DDX10: variants seen among roughly 807,000 people sequenced by gnomAD.
The protein encoded by DDX10 is probable ATP-dependent RNA helicase DDX10.
Under a neutral mutation model 104.3 loss-of-function variants are expected in DDX10, and 74 were observed. The observed-to-expected ratio is 0.71, with a 90% CI of 0.59 to 0.86. The LOEUF is 0.86. DDX10 is among the 40% of genes least tolerant of loss of function. The pLI is 0.00. For synonymous variants in DDX10, 351 were observed against 353.4 expected (o/e 0.99, Z 0.08); for missense variants, 952 against 1,040.0 (o/e 0.92, Z 1.16).
chr11:108,891,529 CTG>C (rs1270900351), intron 16 of DDX10, among the ~76,000 whole-genome samples: 2 of 152,162 alleles, frequency 1.3e-5, no homozygotes, highest in Non-Finnish European at 2.9e-5. Flanking sequence ...ATATATGACT[CTG>C]TGGATAACTT....
At chr11:108,710,086 G>C (rs2094282045) in intron 10 of DDX10, among the ~76,000 whole-genome samples, 1 of 152,062 alleles carries the variant, frequency 6.6e-6, no homozygotes. Flanking sequence ...ACATAGAAAA[G>C]GCACAGTAAA....
chr11:108,795,471 C>G (rs1296740455), intron 13 of DDX10, among the ~76,000 whole-genome samples: 2 of 150,586 alleles, frequency 1.3e-5, no homozygotes, highest in Admixed American at 1.3e-4. Context: ...AGGTATATTT[C>G]CTAATGCTAT....
At chr11:108,874,777 G>A (rs1016802606) in intron 16 of DDX10, among the ~76,000 whole-genome samples, 1 of 152,052 alleles carries the variant, frequency 6.6e-6, no homozygotes, top group Non-Finnish European at 1.5e-5. Context: ...CATCTCAAAA[G>A]CTCATTTCAG....
At chr11:108,903,857 C>A (rs1863552546) in intron 16 of DDX10, among the ~76,000 whole-genome samples, 1 of 152,072 alleles carries the variant, frequency 6.6e-6, no homozygotes, top group South Asian at 2.1e-4. Flanking sequence ...CACTTTCTGA[C>A]TGTTATAAAT....
At chr11:108,666,475 T>C (rs1027625787) in intron 1 of DDX10, among the ~76,000 whole-genome samples, 10 of 152,164 alleles carry the variant, frequency 6.6e-5, no homozygotes, top group African/African-American at 1.9e-4. Flanking sequence ...AGTGAGACTC[T>C]GTCTTAAACA....
chr11:108,879,130 T>C (rs1255865407), intron 16 of DDX10, among the ~76,000 whole-genome samples: 2 of 152,056 alleles, frequency 1.3e-5, no homozygotes, highest in Non-Finnish European at 2.9e-5. Flanking sequence ...GCCTTCCAGG[T>C]AGCTGGGACT....
intron 15 of DDX10, among the ~76,000 whole-genome samples, chr11:108,851,352 A>G (rs1031845782): frequency 6.6e-6 from 1 of 152,154 alleles, no homozygotes; most frequent in African/African-American, 2.4e-5. Flanking sequence ...TGCTTCTTTC[A>G]TATATTTTGT....
chr11:108,677,343 T>A (rs2094227017), intron 4 of DDX10, 100 bp downstream of exon 4: 5 of 1,108,340 alleles, frequency 4.5e-6, no homozygotes, highest in Non-Finnish European at 6.5e-6. Flanking sequence ...CTAAACAGAC[T>A]GACCTAGACC....
At chr11:108,720,014 C>T (rs924313616) in intron 12 of DDX10, 129 bp downstream of exon 12, 6 of 656,934 alleles carry the variant, frequency 9.1e-6, no homozygotes, top group South Asian at 3.5e-5. Flanking sequence ...GCAGTCCACC[C>T]ACCTCAACTT....
At position 108,896,379 on chromosome 11, in the gene DDX10, C is replaced by A. The variant is rs1591115209; in HGVS notation, c.2305-21494C>A. Among the ~76,000 whole-genome samples, 3 of 150,448 alleles carry A rather than the reference C, an allele frequency of 2.0e-5. No homozygotes were observed. In the South Asian group the frequency reaches 6.3e-4, roughly 31 times the overall value. ...ATTTTTTTTTTTCTTCCTGCCAATGCGTGTTTTAACTGTACTCTCTAGGCT... is the reference window on the plus strand; with the variant it reads ...ATTTTTTTTTTTCTTCCTGCCAATGAGTGTTTTAACTGTACTCTCTAGGCT... On this transcript the variant is annotated intron_variant, in intron 16 of 17. Coordinates refer to ENST00000322536, the MANE Select transcript of DDX10 (RefSeq NM_004398.4).
In DDX10 at chr11:108,756,188, G is replaced by C. The variant is rs934447610; in HGVS notation, c.1965+32726G>C. Reference sequence around the variant, plus strand: ...GTTTGCAGTAAACTTTATCTAATGTGATTTGTGTTGGTAAATTTGTATTTA... The same window carrying C: ...GTTTGCAGTAAACTTTATCTAATGTCATTTGTGTTGGTAAATTTGTATTTA... On this transcript the variant is annotated intron_variant, in intron 13 of 17. Transcript: ENST00000322536. 5.3e-5 allele frequency among the ~76,000 whole-genome samples: 8 copies of C among 152,112 alleles called. No individual in the cohort carries two copies. The East Asian group carries it at 9.6e-4, about 18-fold the overall frequency.
chr11:108,710,822 C>T (rs1278929151), intron 10 of DDX10, among the ~76,000 whole-genome samples: 2 of 152,276 alleles, frequency 1.3e-5, no homozygotes, highest in East Asian at 1.9e-4. Flanking sequence ...ATGATGGCTG[C>T]GACATCACTA....
chr11:108,927,304 CAT>C (rs948333198), intron 17 of DDX10, among the ~76,000 whole-genome samples: 1 of 152,198 alleles, frequency 6.6e-6, no homozygotes, highest in African/African-American at 2.4e-5. Context: ...TAATTTAACA[CAT>C]ACAAACTTGC....
chr11:108,672,062 G>GAAAA (rs55845865), intron 1 of DDX10, among the ~76,000 whole-genome samples: 1 of 68,638 alleles, frequency 1.5e-5, no homozygotes, highest in Admixed American at 2.1e-4. Flanking sequence ...CTCCATCTCG[G>GAAAA]AAAAAAAAAA....
At chr11:108,822,223 T>G in intron 13 of DDX10, 1 of 202,464 alleles carries the variant, frequency 4.9e-6, no homozygotes. Flanking sequence ...AAATATTCTG[T>G]CATTCATTGA....
chr11:108,674,346 A>AAT (rs2094221078), intron 2 of DDX10, among the ~76,000 whole-genome samples: 1 of 152,166 alleles, frequency 6.6e-6, no homozygotes, highest in South Asian at 2.1e-4. Context: ...GATGCTTTGA[A>AAT]ATATGTATAT....
At chr11:108,701,441 C>G (rs184656823) in intron 9 of DDX10, among the ~76,000 whole-genome samples, 3 of 152,194 alleles carry the variant, frequency 2.0e-5, no homozygotes, top group Admixed American at 6.5e-5. Context: ...TCCCTTTCTC[C>G]ACTTCTTGAT....
intron 16 of DDX10, among the ~76,000 whole-genome samples, chr11:108,866,828 A>C (rs1033498043): frequency 1.2e-4 from 19 of 152,216 alleles, no homozygotes; most frequent in African/African-American, 4.6e-4. Flanking sequence ...TGACTCCAAA[A>C]TCTTAACATT....
intron 13 of DDX10, among the ~76,000 whole-genome samples, chr11:108,779,296 A>G (rs910471853): frequency 5.3e-5 from 8 of 152,248 alleles, no homozygotes; most frequent in Non-Finnish European, 7.3e-5. Flanking sequence ...CCAAATGTCT[A>G]TCAATGATAA....
Sources: gnomAD v4.1 joint callset for allele counts (sites outside exome capture counted in the v4.1 genomes callset) on GRCh38, gnomAD v4.1.1 for gene constraint, MANE v1.5 for transcripts, NCBI Gene and HGNC (gene_info 2026-07-23, HGNC 2026-07-21) for gene names.